Variants in EML6 observed in about 807,000 individuals in gnomAD.
The protein encoded by EML6 is EMAP like 6.
EML6 carries 154 observed loss-of-function variants against 240.1 expected under a neutral mutation model. The ratio of observed to expected loss-of-function variants is 0.64; its 90% CI spans 0.56 to 0.73. The LOEUF (loss-of-function observed/expected upper bound fraction) is 0.73, where lower values mean the gene tolerates loss of function less well. EML6 is among the 30% of genes least tolerant of loss of function. The pLI, the probability that EML6 is intolerant of heterozygous loss-of-function variation, is 0.00. For synonymous variants in EML6, 1,148 were observed against 899.0 expected, an observed-to-expected ratio of 1.28 and a Z score of -4.95; for missense variants, 2,964 against 2,474.6, an observed-to-expected ratio of 1.20 and a Z score of -4.20.
intron 4 of EML6, among the ~76,000 whole-genome samples, chr2:54,817,126 G>C (rs911487606): frequency 6.6e-6 from 1 of 152,070 alleles, no homozygotes; most frequent in African/African-American, 2.4e-5. Flanking sequence ...TTTGATGCTG[G>C]CATTTTACTT....
At chr2:54,899,859 T>C in intron 22 of EML6, 77 bp downstream of exon 22, 1 of 1,404,608 alleles carries the variant, frequency 7.1e-7, no homozygotes, top group Admixed American at 2.3e-5. Context: ...ACTCAGTTAA[T>C]ATTTACTGAG....
At chr2:54,797,172 A>AAAAAAAAAAAAAAAAAACAAAAC (rs1669844270) in intron 2 of EML6, among the ~76,000 whole-genome samples, 2 of 140,948 alleles carry the variant, frequency 1.4e-5, no homozygotes, top group Admixed American at 1.4e-4. Context: ...CTCAAAAAAA[A>AAAAAAAAAAAAAAAAAACAAAAC]AAAAAAAAAA....
intron 38 of EML6, among the ~76,000 whole-genome samples, chr2:54,966,001 T>C (rs1434188104): frequency 6.6e-6 from 1 of 152,208 alleles, no homozygotes; most frequent in Admixed American, 6.5e-5. Flanking sequence ...AAGGACAGCA[T>C]GGAGGTTAGA....
chr2:54,877,222 G>A (rs1185213180), intron 16 of EML6, among the ~76,000 whole-genome samples: 1 of 152,100 alleles, frequency 6.6e-6, no homozygotes. Flanking sequence ...GGGCTCAAGG[G>A]ATTCACCTGC....
chr2:54,793,271 A>G (rs966713024), intron 2 of EML6, among the ~76,000 whole-genome samples: 1 of 152,084 alleles, frequency 6.6e-6, no homozygotes, highest in African/African-American at 2.4e-5. Flanking sequence ...TCACAAAATA[A>G]AATTTTTGAT....
intron 28 of EML6, among the ~76,000 whole-genome samples, chr2:54,946,164 G>C (rs980460969): frequency 6.6e-6 from 1 of 152,076 alleles, no homozygotes; most frequent in Non-Finnish European, 1.5e-5. Context: ...TAAATTTCTT[G>C]CCAATGGAAG....
At chr2:54,744,297 G>A (rs1241327502) in intron 2 of EML6, among the ~76,000 whole-genome samples, 1 of 152,144 alleles carries the variant, frequency 6.6e-6, no homozygotes, top group East Asian at 1.9e-4. Context: ...AGCTGGCTGA[G>A]TGCCTAAGGG....
chr2:54,885,236 G>A (rs1049172931), intron 17 of EML6, among the ~76,000 whole-genome samples: 3 of 152,084 alleles, frequency 2.0e-5, no homozygotes, highest in African/African-American at 7.2e-5. Context: ...CCTCAGGTCA[G>A]GAGTTTGAGA....
At chr2:54,935,015 T>C (rs949167113) in intron 28 of EML6, among the ~76,000 whole-genome samples, 30 of 152,250 alleles carry the variant, frequency 2.0e-4, no homozygotes, top group African/African-American at 6.0e-4. Flanking sequence ...TTGGTAGATA[T>C]TCCTTTTTTA....
At chr2:54,872,322 T>C (rs556378662) in intron 16 of EML6, among the ~76,000 whole-genome samples, 10 of 152,330 alleles carry the variant, frequency 6.6e-5, no homozygotes, top group Non-Finnish European at 1.3e-4. Flanking sequence ...TTCTAAACTT[T>C]GTACAGAATG....
chr2:54,922,557 G>A lies in EML6; in HGVS notation c.3675+5622G>A, dbSNP rs1004594201. ...ACTTCTGGGTATATATCCAAAGGAA[G>A]TGAAATCAGTATCTTGAAGAGATAT... On this transcript the variant is annotated intron_variant, in intron 26 of 41. Coordinates refer to ENST00000356458, the MANE Select transcript of EML6 (RefSeq NM_001039753.4). Among the ~76,000 whole-genome samples, 83 of 149,688 alleles carry A rather than the reference G, an allele frequency of 5.5e-4. 1 individual carries two copies. Among genetic ancestry groups the A allele is most frequent in the African/African-American group, 1.9e-3 (79 of 40,564 alleles).
rs142377791 is a variant in EML6, at chr2:54,790,476, C to G, written c.198-22756C>G. ...AATATAAACATTGACAATATTTGCACTCTTAATCTGTGTGTACAACACCAT... is the reference window on the plus strand; with the variant it reads ...AATATAAACATTGACAATATTTGCAGTCTTAATCTGTGTGTACAACACCAT... On this transcript the variant is annotated intron_variant, in intron 2 of 41. Coordinates refer to ENST00000356458, the MANE Select transcript of EML6 (RefSeq NM_001039753.4). 2.5e-3 allele frequency among the ~76,000 whole-genome samples: 375 copies of G among 152,268 alleles called. 1 individual carries two copies. Among genetic ancestry groups the G allele is most frequent in the Middle Eastern group, 0.014 (4 of 294 alleles).
At chr2:54,940,891 G>C (rs1573186680) in intron 28 of EML6, among the ~76,000 whole-genome samples, 1 of 152,334 alleles carries the variant, frequency 6.6e-6, no homozygotes, top group South Asian at 2.1e-4. Context: ...AGAAGATTCT[G>C]TGTCACTGTG....
chr2:54,871,560 T>C lies in EML6; in HGVS notation c.2299T>C (p.Leu767=). The C allele has an allele frequency of 6.4e-7, 1 of 1,551,774 alleles. No homozygotes were observed. Among genetic ancestry groups the C allele is most frequent in the Non-Finnish European group, 8.7e-7 (1 of 1,146,958 alleles). ...ACAAACTCTAAAATGTTTGTCGCTGTTGAAAGGACAACATCAGAGAGGAGT... is the reference window on the plus strand; with the variant it reads ...ACAAACTCTAAAATGTTTGTCGCTGCTGAAAGGACAACATCAGAGAGGAGT... ...DTQTLKCLSL[L]KGQHQRGVCA... The change falls in exon 16 of 42, where the codon TTG becomes CTG. Residue 767 remains leucine (L), a synonymous_variant. Transcript: ENST00000356458.
chr2:54,750,652 T>A (rs1327265844), intron 2 of EML6, among the ~76,000 whole-genome samples: 1 of 152,186 alleles, frequency 6.6e-6, no homozygotes, highest in Non-Finnish European at 1.5e-5. Context: ...TGGCCGATTT[T>A]TTTGAACCTA....
At chr2:54,919,400 G>T (rs1327737731) in intron 26 of EML6, among the ~76,000 whole-genome samples, 1 of 152,082 alleles carries the variant, frequency 6.6e-6, no homozygotes, top group African/African-American at 2.4e-5. Flanking sequence ...TTACCTCTAT[G>T]GCCACTTTGG....
rs10536615 is a variant in EML6 at position 54,828,637 on chromosome 2, TAAAA to T, written c.712-704_712-701del. 5.0e-3 allele frequency among the ~76,000 whole-genome samples: 765 copies of T among 152,356 alleles called. 8 individuals carry two copies. Among genetic ancestry groups the T allele is most frequent in the African/African-American group, 0.018 (742 of 41,576 alleles). On this transcript the variant is annotated intron_variant, in intron 6 of 41. Coordinates refer to ENST00000356458, the MANE Select transcript of EML6 (RefSeq NM_001039753.4). ...GCTTCACTAATTATGAAACAGCTCT[TAAAA>T]TAATAGGTCAGTATTTGTCCTCATT...
In EML6 at chr2:54,895,291, A is replaced by G; in HGVS notation, c.2873A>G (p.Asn958Ser). ...TSSKGLLLEDNPSIRAITLGH... is the reference protein window; with the variant it reads ...TSSKGLLLEDSPSIRAITLGH... ...TCCCCAGGCTTGCTTTTGGAAGATA[A>G]CCCTTCAATTCGTGCCATCACTTTG... Residue 958 changes from asparagine to serine, a missense_variant, in exon 21 of 42, where the codon AAC becomes AGC. Asn to Ser is a conservative substitution (Grantham distance 46, BLOSUM62 1). Transcript: ENST00000356458. 1.3e-6 allele frequency: 2 copies of G among 1,551,682 alleles called. No individual in the cohort carries two copies. The highest frequency in any genetic ancestry group is 1.7e-6 in the Non-Finnish European group (2 of 1,146,898).
At chr2:54,780,155 T>G (rs967258213) in intron 2 of EML6, among the ~76,000 whole-genome samples, 1 of 152,196 alleles carries the variant, frequency 6.6e-6, no homozygotes, top group Non-Finnish European at 1.5e-5. Flanking sequence ...TTATTAATAA[T>G]CGTTTACAGT....
Sources: gnomAD v4.1 joint callset for allele counts (sites outside exome capture counted in the v4.1 genomes callset) on GRCh38, gnomAD v4.1.1 for gene constraint, MANE v1.5 for transcripts, NCBI Gene and HGNC (gene_info 2026-07-23, HGNC 2026-07-21) for gene names.